Variants in CDH23 observed in about 807,000 individuals in gnomAD.
The protein encoded by CDH23 is cadherin-23.
A neutral mutation model predicts 317.1 loss-of-function variants in CDH23; 189 were observed. The ratio of observed to expected loss-of-function variants is 0.60; its 90% CI spans 0.53 to 0.67. The LOEUF is 0.67. Ranked by LOEUF, CDH23 falls within the 30% of genes least tolerant of loss-of-function variation. The probability of loss-of-function intolerance (pLI) is 0.00; values close to 1 mark genes in which losing one functional copy is unlikely to be tolerated. For missense variants in CDH23, 4,401 were observed against 4,592.4 expected, an observed-to-expected ratio of 0.96 and a Z score of 1.20; for synonymous variants, 1,839 against 1,876.8, an observed-to-expected ratio of 0.98 and a Z score of 0.52.
At chr10:71,546,618 A>G (rs1360288267) in intron 6 of CDH23, among the ~76,000 whole-genome samples, 3 of 152,204 alleles carry the variant, frequency 2.0e-5, no homozygotes, top group African/African-American at 4.8e-5. Context: ...AACACAGAAC[A>G]TGCCTGATAT....
At chr10:71,569,809 C>G (rs1479215829) in intron 7 of CDH23, among the ~76,000 whole-genome samples, 1 of 152,164 alleles carries the variant, frequency 6.6e-6, no homozygotes, top group African/African-American at 2.4e-5. Flanking sequence ...ACTATTATTG[C>G]TGGCTATTGT....
intron 15 of CDH23, among the ~76,000 whole-genome samples, chr10:71,676,661 C>G (rs879751492): frequency 6.6e-6 from 1 of 152,208 alleles, no homozygotes; most frequent in Non-Finnish European, 1.5e-5. Flanking sequence ...TTAGGGGCAT[C>G]TGTCCATTCT....
At position 71,511,214 on chromosome 10, in the gene CDH23, T is replaced by C. The variant is rs763595608; in HGVS notation, c.429+2T>C. 1.2e-6 allele frequency: 2 copies of C among 1,612,634 alleles called. No individual in the cohort carries two copies. The highest frequency in any genetic ancestry group is 1.7e-6 in the Non-Finnish European group (2 of 1,178,828). ...CCCTACAGCGTCCGCATCCCTGAGG[T>C]AGGAGCCACTGGGGTTACCCTTGAG... is the stretch of plus-strand genomic sequence containing the variant. On this transcript the variant is annotated splice_donor_variant, in intron 6 of 69. Transcript: ENST00000224721. LOFTEE classifies it high-confidence loss of function.
intron 7 of CDH23, among the ~76,000 whole-genome samples, chr10:71,568,749 G>A (rs919417041): frequency 5.9e-5 from 9 of 152,332 alleles, no homozygotes; most frequent in African/African-American, 1.4e-4. Flanking sequence ...CCACCACTGA[G>A]CTGGTACCAG....
intron 38 of CDH23, among the ~76,000 whole-genome samples, chr10:71,758,471 C>A (rs558816335): frequency 2.0e-5 from 3 of 152,206 alleles, no homozygotes; most frequent in Non-Finnish European, 4.4e-5. Flanking sequence ...CTCACCCAAC[C>A]TCTCAGCGCC....
In CDH23 at chr10:71,510,141, G is replaced by T. The variant is rs563224115; in HGVS notation, c.205G>T (p.Val69Leu). Residue 69 changes from valine (V) to leucine (L), a missense_variant, in exon 4 of 70, where the codon GTG (valine) becomes TTG (leucine). Around this residue, in one of 3 missense-constraint regions of CDH23, gnomAD observed 3,068 missense variants for 3,203.3 expected, o/e 0.96. Coordinates refer to ENST00000224721, the MANE Select transcript of CDH23 (RefSeq NM_022124.6). ...GGACAATGACCCCCTGGTGTTTGGC[G>T]TGTCTGGGGAGGAGGCCTCTCGCTT... The part of the protein sequence containing the change: ...DMDNDPLVFG[V>L]SGEEASRFFA... The T allele has an allele frequency of 6.2e-7, 1 of 1,614,034 alleles. No individual in the cohort carries two copies. The highest frequency in any genetic ancestry group is 8.5e-7 in the Non-Finnish European group (1 of 1,179,894).
In CDH23 at chr10:71,759,862, CACAT is replaced by C. The variant is rs1452465975; in HGVS notation, c.4846-17816_4846-17813del. Among the ~76,000 whole-genome samples, 32 of 121,246 alleles carry C rather than the reference CACAT, an allele frequency of 2.6e-4. 1 individual carries two copies. The highest frequency in any genetic ancestry group is 1.1e-3 in the South Asian group (4 of 3,700). 79.5% of individuals were successfully genotyped at this position (121,246 alleles called of 152,430 possible). ...ACACACACACATATACACACACACA[CACAT>C]ATATATACACACACACACATATACA... On this transcript the variant is annotated intron_variant, in intron 38 of 69. Transcript: ENST00000224721.
At chr10:71,601,766 G>T (rs1860231906) in intron 9 of CDH23, among the ~76,000 whole-genome samples, 1 of 152,214 alleles carries the variant, frequency 6.6e-6, no homozygotes, top group Non-Finnish European at 1.5e-5. Flanking sequence ...TCTGATACAA[G>T]AATCTGCTAC....
intron 19 of CDH23, 66 bp downstream of exon 19, chr10:71,687,785 G>A (rs1864969011): frequency 6.9e-7 from 1 of 1,458,572 alleles, no homozygotes; most frequent in South Asian, 1.2e-5. Flanking sequence ...CGGCACCCAG[G>A]ATGTGCAGAC....
chr10:71,584,825 T>G (rs796442097), intron 9 of CDH23, among the ~76,000 whole-genome samples: 116 of 152,272 alleles, frequency 7.6e-4, no homozygotes, highest in Middle Eastern at 3.4e-3. Context: ...TGGCTTAGGG[T>G]AGCACAATGG....
rs1489816234 is a variant in CDH23 at position 71,740,938 on chromosome 10, C to T, written c.4605C>T (p.Val1535=). 5.6e-6 allele frequency: 9 copies of T among 1,613,818 alleles called. No individual in the cohort carries two copies. Among genetic ancestry groups the T allele is most frequent in the Non-Finnish European group, 7.6e-6 (9 of 1,179,862 alleles). Residue 1535 remains valine, a synonymous_variant, in exon 37 of 70, where the codon GTC becomes GTT. Coordinates refer to ENST00000224721, the MANE Select transcript of CDH23 (RefSeq NM_022124.6). ...PVIESPFGYN[V]SVNENVGGGT... ...TCGAGAGCCCCTTTGGATACAATGT[C>T]AGTGTGAATGAGGTGAGGGCAGCCC...
intron 14 of CDH23, among the ~76,000 whole-genome samples, chr10:71,657,279 TCAA>T (rs1437481989): frequency 2.0e-5 from 3 of 152,202 alleles, no homozygotes; most frequent in Non-Finnish European, 2.9e-5. Context: ...TTCCATTTTC[TCAA>T]CTATAAAATG....
intron 1 of CDH23, among the ~76,000 whole-genome samples, chr10:71,439,053 AG>A (rs1236267884): frequency 6.6e-6 from 1 of 152,070 alleles, no homozygotes; most frequent in Non-Finnish European, 1.5e-5. Flanking sequence ...GCCATATGGG[AG>A]AGAGCTGTCT....
At chr10:71,480,907 T>A (rs554140734) in intron 3 of CDH23, among the ~76,000 whole-genome samples, 64 of 151,970 alleles carry the variant, frequency 4.2e-4, no homozygotes, top group Non-Finnish European at 7.4e-4. Flanking sequence ...AGTGTCTGGT[T>A]TTTGGAGCTG....
At chr10:71,557,464 G>A (rs1856927049) in intron 6 of CDH23, among the ~76,000 whole-genome samples, 1 of 152,080 alleles carries the variant, frequency 6.6e-6, no homozygotes, top group African/African-American at 2.4e-5. Context: ...AGGAAAAGAG[G>A]GTCACTCTGA....
intron 6 of CDH23, among the ~76,000 whole-genome samples, chr10:71,550,060 ATTAAG>A (rs1856495990): frequency 6.6e-6 from 1 of 152,174 alleles, no homozygotes; most frequent in Non-Finnish European, 1.5e-5. Flanking sequence ...GGAGCTTTAG[ATTAAG>A]GCAGAGCTGA....
chr10:71,455,140 C>A (rs780378747), intron 3 of CDH23, among the ~76,000 whole-genome samples: 2 of 152,122 alleles, frequency 1.3e-5, no homozygotes, highest in Non-Finnish European at 2.9e-5. Context: ...CTGCACCTGG[C>A]CCCTTATTTT....
intron 28 of CDH23, chr10:71,719,725 C>G (rs1288821201): frequency 1.3e-5 from 2 of 152,362 alleles, no homozygotes; most frequent in East Asian, 3.9e-4. Flanking sequence ...GTGACCCCAG[C>G]CCTGCCAGGC....
intron 3 of CDH23, among the ~76,000 whole-genome samples, chr10:71,506,832 G>A (rs1853665142): frequency 1.3e-5 from 2 of 152,172 alleles, no homozygotes; most frequent in South Asian, 4.1e-4. Flanking sequence ...ACACAAAGAA[G>A]GCATGAGCAG....
Sources: gnomAD v4.1 joint callset for allele counts (sites outside exome capture counted in the v4.1 genomes callset) on GRCh38, gnomAD v4.1.1 for gene constraint, gnomAD v4.1.1 regional missense constraint, MANE v1.5 for transcripts, NCBI Gene and HGNC (gene_info 2026-07-23, HGNC 2026-07-21) for gene names.